HPSE2: variants seen among roughly 807,000 people sequenced by gnomAD.
HPSE2 encodes inactive heparanase-2.
HPSE2 carries 38 observed loss-of-function variants against 60.5 expected under a neutral mutation model. The ratio of observed to expected loss-of-function variants is 0.63; its 90% CI spans 0.48 to 0.82. The LOEUF is 0.82. Among genes scored for constraint, HPSE2 ranks in the 40% least tolerant of loss-of-function variants. The probability of loss-of-function intolerance (pLI) is 0.00; values close to 1 mark genes in which losing one functional copy is unlikely to be tolerated. For synonymous variants in HPSE2, 295 were observed against 293.2 expected (o/e 1.01, Z -0.06); for missense variants, 713 against 740.4 (o/e 0.96, Z 0.43).
At chr10:99,093,632 C>A (rs1178240341) in intron 3 of HPSE2, among the ~76,000 whole-genome samples, 2 of 152,130 alleles carry the variant, frequency 1.3e-5, no homozygotes, top group Non-Finnish European at 2.9e-5. Context: ...GGTGGAATGT[C>A]AAGTGCAAGA....
At chr10:98,875,090 T>C (rs1952838338) in intron 3 of HPSE2, among the ~76,000 whole-genome samples, 2 of 151,946 alleles carry the variant, frequency 1.3e-5, no homozygotes, top group African/African-American at 4.8e-5. Flanking sequence ...AGATCTCAAA[T>C]TGACACCCTA....
At chr10:98,522,377 T>G (rs1451480465) in intron 9 of HPSE2, among the ~76,000 whole-genome samples, 1 of 151,956 alleles carries the variant, frequency 6.6e-6, no homozygotes, top group East Asian at 1.9e-4. Context: ...TTGCTGTTTA[T>G]GAAGAGCAAA....
the HPSE2 span, among the ~76,000 whole-genome samples, chr10:99,306,975 G>T: frequency 1.3e-5 from 2 of 152,180 alleles, no homozygotes; most frequent in Non-Finnish European, 2.9e-5. Context: ...CTCCCAAAGT[G>T]CTGGGATTAC....
chr10:98,857,342 C>T (rs1266178573), intron 3 of HPSE2, among the ~76,000 whole-genome samples: 1 of 152,090 alleles, frequency 6.6e-6, no homozygotes, highest in African/African-American at 2.4e-5. Context: ...AAATAAAACA[C>T]CTTTATATGT....
intron 3 of HPSE2, among the ~76,000 whole-genome samples, chr10:98,833,543 T>C (rs1372887742): frequency 6.6e-6 from 1 of 152,242 alleles, no homozygotes; most frequent in Non-Finnish European, 1.5e-5. Flanking sequence ...ACATTTTACA[T>C]GTACTACACT....
chr10:98,550,791 T>G (rs141177555), intron 9 of HPSE2, among the ~76,000 whole-genome samples: 103 of 151,970 alleles, frequency 6.8e-4, no homozygotes, highest in African/African-American at 2.3e-3. Context: ...TTTTTTTTTG[T>G]AGAGATAGGG....
chr10:98,708,792 C>G (rs1031456970), intron 5 of HPSE2, among the ~76,000 whole-genome samples: 1 of 152,098 alleles, frequency 6.6e-6, no homozygotes, highest in Admixed American at 6.6e-5. Context: ...TTAGAAAGAC[C>G]TCATCTAAAA....
chr10:98,467,367 A>G (rs780956749), intron 11 of HPSE2, among the ~76,000 whole-genome samples: 15 of 152,168 alleles, frequency 9.9e-5, no homozygotes, highest in Non-Finnish European at 2.1e-4. Context: ...AGAAGGAAAG[A>G]CTCTGGACAG....
chr10:99,021,376 G>A (rs1343416985), intron 3 of HPSE2, among the ~76,000 whole-genome samples: 3 of 152,186 alleles, frequency 2.0e-5, no homozygotes, highest in Non-Finnish European at 2.9e-5. Context: ...GATCAGCAAG[G>A]TTAAATAATT....
At chr10:98,482,591 C>A in intron 11 of HPSE2, 45 bp downstream of exon 11, 1 of 1,613,070 alleles carries the variant, frequency 6.2e-7, no homozygotes, top group Non-Finnish European at 8.5e-7. Context: ...CCTCCCTCAG[C>A]TCCTGCTGCA....
intron 5 of HPSE2, among the ~76,000 whole-genome samples, chr10:98,702,927 A>C (rs574307104): frequency 6.6e-6 from 1 of 152,274 alleles, no homozygotes; most frequent in South Asian, 2.1e-4. Flanking sequence ...GAAATAACTA[A>C]GATCAGAGCA....
At chr10:98,807,905 T>C (rs1951078861) in intron 3 of HPSE2, among the ~76,000 whole-genome samples, 1 of 152,144 alleles carries the variant, frequency 6.6e-6, no homozygotes, top group Non-Finnish European at 1.5e-5. Context: ...ACCTTTGACT[T>C]TCCTTTAATG....
At chr10:98,970,193 C>T (rs1240653537) in intron 3 of HPSE2, among the ~76,000 whole-genome samples, 2 of 152,138 alleles carry the variant, frequency 1.3e-5, no homozygotes, top group Non-Finnish European at 2.9e-5. Flanking sequence ...GAACTCCTGG[C>T]TTCAGGTGAT....
At chr10:99,231,257 C>G (rs1849635040) in intron 2 of HPSE2, among the ~76,000 whole-genome samples, 1 of 152,196 alleles carries the variant, frequency 6.6e-6, no homozygotes, top group Non-Finnish European at 1.5e-5. Flanking sequence ...GCTCCTTTAG[C>G]TGATTTGTAA....
chr10:98,592,226 C>G (rs995313879), intron 9 of HPSE2, among the ~76,000 whole-genome samples: 2 of 152,114 alleles, frequency 1.3e-5, no homozygotes, highest in African/African-American at 4.8e-5. Context: ...TTGATATAAC[C>G]AAAGTGAAGA....
At chr10:98,733,609 TCTTCA>T (rs1463500723) in intron 4 of HPSE2, among the ~76,000 whole-genome samples, 2 of 152,218 alleles carry the variant, frequency 1.3e-5, no homozygotes, top group Admixed American at 1.3e-4. Flanking sequence ...TGAATGTGTT[TCTTCA>T]CTTGTTTAAT....
chr10:99,037,256 T>TAG (rs1957630714), intron 3 of HPSE2, among the ~76,000 whole-genome samples: 1 of 152,136 alleles, frequency 6.6e-6, no homozygotes, highest in African/African-American at 2.4e-5. Context: ...TATCCTGTAT[T>TAG]AGATCCTGGG....
In HPSE2 at chr10:99,094,736, T is replaced by C. The variant is rs538562481; in HGVS notation, c.610+49502A>G. 4.6e-5 allele frequency among the ~76,000 whole-genome samples: 7 copies of C among 150,882 alleles called. No individual in the cohort carries two copies. The East Asian group carries it at 1.4e-3, about 30-fold the overall frequency. On this transcript the variant is annotated intron_variant, in intron 3 of 11. Coordinates refer to ENST00000370552, the MANE Select transcript of HPSE2 (RefSeq NM_021828.5). Reference sequence around the variant, plus strand: ...CACACCTGGCTAATTTTTGTATTTTTAGTAGAGGCAGGGTTTCACCGTGTT... The same window carrying C: ...CACACCTGGCTAATTTTTGTATTTTCAGTAGAGGCAGGGTTTCACCGTGTT...
intron 6 of HPSE2, among the ~76,000 whole-genome samples, chr10:98,656,913 C>A (rs1947084018): frequency 6.6e-6 from 1 of 152,070 alleles, no homozygotes; most frequent in Admixed American, 6.5e-5. Flanking sequence ...AGGCACCCGC[C>A]ACCACATCCG....
Sources: gnomAD v4.1 joint callset for allele counts (sites outside exome capture counted in the v4.1 genomes callset) on GRCh38, gnomAD v4.1.1 for gene constraint, MANE v1.5 for transcripts, NCBI Gene and HGNC (gene_info 2026-07-23, HGNC 2026-07-21) for gene names.